Variants in CDH11 observed in about 807,000 individuals in gnomAD.
CDH11 encodes the protein cadherin 11, also known as cadherin-11.
Under a neutral mutation model 67.8 loss-of-function variants are expected in CDH11, and 11 were observed. That is an observed-to-expected ratio of 0.16 (90% CI 0.10 to 0.27). The LOEUF is 0.27. CDH11 is among the 10% of genes least tolerant of loss of function. The pLI is 1.00. For synonymous variants in CDH11, 419 were observed against 400.0 expected, an observed-to-expected ratio of 1.05 and a Z score of -0.57; for missense variants, 847 against 1,031.2, an observed-to-expected ratio of 0.82 and a Z score of 2.45.
intron 8 of CDH11, 113 bp from the exon 9 acceptor site, chr16:64,973,153 A>G: frequency 9.7e-7 from 1 of 1,031,746 alleles, no homozygotes; most frequent in Admixed American, 2.7e-5. Flanking sequence ...TACTTAAGCT[A>G]GATTTTCTTT....
At chr16:65,104,466 TTTA>T (rs2075038238) in intron 1 of CDH11, among the ~76,000 whole-genome samples, 2 of 152,190 alleles carry the variant, frequency 1.3e-5, no homozygotes, top group Admixed American at 1.3e-4. Flanking sequence ...ATAGCTAGCA[TTTA>T]TTAAGTCCCA....
intron 2 of CDH11, among the ~76,000 whole-genome samples, chr16:65,045,505 C>T (rs976818528): frequency 1.3e-5 from 2 of 151,664 alleles, no homozygotes; most frequent in African/African-American, 4.8e-5. Flanking sequence ...TGTCAGGTGT[C>T]TGGCTACAGT....
chr16:65,010,967 G>A (rs201908789), intron 2 of CDH11, among the ~76,000 whole-genome samples: 2 of 86,706 alleles, frequency 2.3e-5, no homozygotes, highest in African/African-American at 8.2e-5. Context: ...ATATATATAT[G>A]TGTTTATATA....
At chr16:65,041,491 G>T (rs1035831150) in intron 2 of CDH11, among the ~76,000 whole-genome samples, 2 of 152,136 alleles carry the variant, frequency 1.3e-5, no homozygotes, top group Non-Finnish European at 2.9e-5. Context: ...AATAAAAAAT[G>T]TCTTATGCCT....
At chr16:65,111,674 A>AACACACAC (rs71143552) in intron 1 of CDH11, among the ~76,000 whole-genome samples, 3,944 of 140,646 alleles carry the variant, frequency 0.028, 109 homozygotes, top group East Asian at 0.13. Flanking sequence ...GAAAGCTAGA[A>AACACACAC]ACACACACAC....
chr16:65,038,460 C>T (rs1406466707), intron 2 of CDH11, among the ~76,000 whole-genome samples: 2 of 152,070 alleles, frequency 1.3e-5, no homozygotes, highest in East Asian at 1.9e-4. Flanking sequence ...TCATTATCTC[C>T]GCAGGGGAGA....
At chr16:64,960,849 G>A (rs545629425) in intron 11 of CDH11, among the ~76,000 whole-genome samples, 10 of 152,062 alleles carry the variant, frequency 6.6e-5, no homozygotes, top group Non-Finnish European at 1.3e-4. Context: ...AGAGAGAGAG[G>A]CATTGTCCAG....
intron 2 of CDH11, among the ~76,000 whole-genome samples, chr16:65,041,251 C>A (rs1255920576): frequency 6.6e-6 from 1 of 152,208 alleles, no homozygotes; most frequent in East Asian, 1.9e-4. Flanking sequence ...CAGCTCAGAG[C>A]TGAACACACA....
At chr16:65,097,686 G>A (rs1567576831) in intron 1 of CDH11, among the ~76,000 whole-genome samples, 1 of 152,092 alleles carries the variant, frequency 6.6e-6, no homozygotes, top group Non-Finnish European at 1.5e-5. Context: ...ACAAAGAAGA[G>A]CACAGCTCTA....
intron 2 of CDH11, among the ~76,000 whole-genome samples, chr16:65,037,691 G>A (rs1466778262): frequency 3.9e-5 from 6 of 152,050 alleles, no homozygotes; most frequent in African/African-American, 9.7e-5. Flanking sequence ...GGGACCGTCC[G>A]CATCCCAGCA....
chr16:65,004,731 C>A lies in CDH11; in HGVS notation c.139G>T (p.Val47Leu). The A allele has an allele frequency of 6.2e-7, 1 of 1,613,954 alleles. No individual in the cohort carries two copies. The highest frequency in any genetic ancestry group is 8.5e-7 in the Non-Finnish European group (1 of 1,180,014). Residue 47 changes from valine to leucine, a missense_variant, in exon 3 of 13, where the codon GTG becomes TTG. Transcript: ENST00000268603. ...GHHEKGKEGQ[V>L]LQRSKRGWVW... ...CAGCCACGCTTGGAGCGCTGTAGCA[C>A]CTGCCCCTCCTTGCCCTTCTCATGG...
chr16:65,077,265 G>A (rs2074529364), intron 1 of CDH11, among the ~76,000 whole-genome samples: 1 of 151,844 alleles, frequency 6.6e-6, no homozygotes, highest in African/African-American at 2.4e-5. Context: ...CTTATTGGAG[G>A]AAAAAAAAGT....
At chr16:65,048,501 A>G (rs1044628201) in intron 2 of CDH11, among the ~76,000 whole-genome samples, 8 of 152,138 alleles carry the variant, frequency 5.3e-5, no homozygotes, top group African/African-American at 1.7e-4. Context: ...CTCAGTGCCC[A>G]TCAAAAAATG....
intron 2 of CDH11, among the ~76,000 whole-genome samples, chr16:65,041,556 A>G (rs1392313383): frequency 1.3e-5 from 2 of 152,226 alleles, no homozygotes; most frequent in African/African-American, 4.8e-5. Context: ...GAAATAAAAT[A>G]TCTCAATGGC....
In CDH11 at chr16:64,951,034, A is replaced by C. The variant is rs1325650155; in HGVS notation, c.1643-16T>G. The C allele has an allele frequency of 1.2e-6, 2 of 1,608,510 alleles. No individual in the cohort carries two copies. Among genetic ancestry groups the C allele is most frequent in the African/African-American group, 2.7e-5 (2 of 74,862 alleles). ...GCTGTGTTATCTGCAGAAAGAGGGG[A>C]GACAGGCCGTGCGCCCAGTCAAGAC... On this transcript the variant is annotated splice_polypyrimidine_tract_variant and intron_variant, in intron 11 of 12. Transcript: ENST00000268603.
intron 2 of CDH11, among the ~76,000 whole-genome samples, chr16:65,019,015 T>C (rs1223186590): frequency 6.6e-6 from 1 of 152,220 alleles, no homozygotes; most frequent in African/African-American, 2.4e-5. Flanking sequence ...TCACATTCAC[T>C]AATTCATGTC....
At chr16:65,056,351 C>A (rs1228017951) in intron 1 of CDH11, among the ~76,000 whole-genome samples, 1 of 152,120 alleles carries the variant, frequency 6.6e-6, no homozygotes, top group Non-Finnish European at 1.5e-5. Context: ...ATCTTGGACA[C>A]CTAATACATA....
At chr16:64,971,803 C>T in intron 10 of CDH11, 107 bp from the exon 11 acceptor site, 3 of 1,398,060 alleles carry the variant, frequency 2.1e-6, no homozygotes, top group Non-Finnish European at 3.0e-6. Context: ...GAGAACATAA[C>T]TTCAGAACAA....
chr16:64,949,838 C>T (rs1193726513), intron 12 of CDH11, among the ~76,000 whole-genome samples: 4 of 152,148 alleles, frequency 2.6e-5, no homozygotes, highest in African/African-American at 7.2e-5. Flanking sequence ...GTGAACCTGT[C>T]GAGCACAGAG....
Sources: allele counts gnomAD v4.1 joint callset (sites outside exome capture counted in the v4.1 genomes callset), GRCh38; gene constraint gnomAD v4.1.1; transcripts MANE v1.5; gene names NCBI Gene and HGNC (gene_info 2026-07-23, HGNC 2026-07-21).